Variants in TAOK1 observed in about 807,000 individuals in gnomAD.
TAOK1 encodes serine/threonine-protein kinase TAO1.
Under a neutral mutation model 138.3 loss-of-function variants are expected in TAOK1, and 21 were observed. The observed-to-expected ratio is 0.15, with a 90% CI of 0.11 to 0.22. TAOK1 has a LOEUF of 0.22. TAOK1 is among the 10% of genes least tolerant of loss of function. TAOK1 has a pLI of 1.00. For synonymous variants in TAOK1, 361 were observed against 398.4 expected (o/e 0.91, Z 1.12); for missense variants, 651 against 1,227.7 (o/e 0.53, Z 7.02).
chr17:29,501,201 A>G (rs2031516158), intron 12 of TAOK1, among the ~76,000 whole-genome samples: 1 of 149,384 alleles, frequency 6.7e-6, no homozygotes, highest in South Asian at 2.1e-4. Flanking sequence ...CCTGGGCAAC[A>G]TAGGGAGACC....
chr17:29,440,656 G>T (rs1403038280), intron 1 of TAOK1, among the ~76,000 whole-genome samples: 2 of 151,570 alleles, frequency 1.3e-5, no homozygotes, highest in Non-Finnish European at 2.9e-5. Flanking sequence ...GCTTACTGCA[G>T]CCTCTGCCTC....
At chr17:29,476,791 G>A (rs1432957943) in intron 4 of TAOK1, among the ~76,000 whole-genome samples, 7 of 151,872 alleles carry the variant, frequency 4.6e-5, no homozygotes, top group East Asian at 1.9e-4. Context: ...TAGTTGTTAC[G>A]TTATATTGGC....
At chr17:29,531,457 C>CT (rs1259908812) in intron 18 of TAOK1, among the ~76,000 whole-genome samples, 2 of 117,180 alleles carry the variant, frequency 1.7e-5, no homozygotes, top group African/African-American at 6.8e-5. Flanking sequence ...GCTTTGTAAA[C>CT]TTTTTTTTAA....
chr17:29,473,822 G>A (rs906190829), intron 3 of TAOK1, among the ~76,000 whole-genome samples: 1 of 151,758 alleles, frequency 6.6e-6, no homozygotes, highest in Admixed American at 6.6e-5. Flanking sequence ...CGCCTCCTGG[G>A]TTCAAACGAT....
At chr17:29,477,835 C>A in intron 5 of TAOK1, 129 bp downstream of exon 5, 1 of 447,054 alleles carries the variant, frequency 2.2e-6, no homozygotes, top group Non-Finnish European at 3.6e-6. Flanking sequence ...TAGTCTTGTT[C>A]AAATTCTCAG....
At chr17:29,528,237 A>G (rs2032045177) in intron 17 of TAOK1, among the ~76,000 whole-genome samples, 1 of 152,058 alleles carries the variant, frequency 6.6e-6, no homozygotes, top group Non-Finnish European at 1.5e-5. Flanking sequence ...TTTAGTAGAG[A>G]CAGAGTTTCA....
At chr17:29,449,471 G>T (rs1392525886) in intron 1 of TAOK1, among the ~76,000 whole-genome samples, 1 of 152,192 alleles carries the variant, frequency 6.6e-6, no homozygotes, top group East Asian at 1.9e-4. Context: ...TAGTTACAAA[G>T]AAGTTTTCTA....
chr17:29,452,599 G>T (rs559066288), intron 2 of TAOK1, among the ~76,000 whole-genome samples: 1 of 152,180 alleles, frequency 6.6e-6, no homozygotes, highest in South Asian at 2.1e-4. Context: ...TTCATCACCT[G>T]AAATAGAAAC....
intron 19 of TAOK1, among the ~76,000 whole-genome samples, chr17:29,540,108 G>C (rs1003053914): frequency 3.9e-5 from 6 of 152,160 alleles, no homozygotes; most frequent in Admixed American, 3.3e-4. Flanking sequence ...AGAAATGTTT[G>C]GGAGAAATTA....
intron 1 of TAOK1, among the ~76,000 whole-genome samples, chr17:29,411,177 C>T (rs1470242638): frequency 7.0e-6 from 1 of 143,760 alleles, no homozygotes. Context: ...CTGCAAGCTC[C>T]GCCTTCCGGG....
intron 2 of TAOK1, among the ~76,000 whole-genome samples, chr17:29,460,058 A>G (rs908349967): frequency 3.9e-5 from 6 of 152,360 alleles, no homozygotes; most frequent in East Asian, 1.9e-4. Context: ...ATGATCTACA[A>G]AGTGGTGAAA....
At chr17:29,428,770 C>T (rs913760316) in intron 1 of TAOK1, among the ~76,000 whole-genome samples, 13 of 149,276 alleles carry the variant, frequency 8.7e-5, no homozygotes, top group Admixed American at 2.7e-4. Flanking sequence ...ACTGCAGTTG[C>T]GCACCACAAC....
intron 10 of TAOK1, among the ~76,000 whole-genome samples, chr17:29,494,600 G>A (rs2031373640): frequency 6.6e-6 from 1 of 152,094 alleles, no homozygotes; most frequent in African/African-American, 2.4e-5. Context: ...GGCGAGGTGG[G>A]CGGATCACGA....
intron 1 of TAOK1, among the ~76,000 whole-genome samples, chr17:29,447,726 G>C (rs2030127395): frequency 2.0e-5 from 3 of 149,234 alleles, no homozygotes. Flanking sequence ...ACACGATCTT[G>C]GCTCAGGGCA....
At chr17:29,535,157 A>G (rs758078459) in intron 19 of TAOK1, among the ~76,000 whole-genome samples, 17 of 151,544 alleles carry the variant, frequency 1.1e-4, no homozygotes, top group Admixed American at 6.6e-4. Flanking sequence ...ACAAATATTT[A>G]AAAATTAGCT....
At chr17:29,400,405 A>G (rs1598464291) in intron 1 of TAOK1, among the ~76,000 whole-genome samples, 2 of 151,832 alleles carry the variant, frequency 1.3e-5, no homozygotes, top group East Asian at 1.9e-4. Flanking sequence ...AAAAAAAAAA[A>G]AAACAACAAA....
intron 17 of TAOK1, among the ~76,000 whole-genome samples, chr17:29,523,445 C>T (rs1298268256): frequency 2.6e-5 from 4 of 152,098 alleles, no homozygotes; most frequent in East Asian, 3.9e-4. Context: ...TGGAGTGCAG[C>T]GGCATGATCT....
At chr17:29,427,527 C>CAAAA (rs1255682171) in intron 1 of TAOK1, among the ~76,000 whole-genome samples, 2 of 64,182 alleles carry the variant, frequency 3.1e-5, no homozygotes. Flanking sequence ...AACTCCGTCT[C>CAAAA]AAAAAAAAAA....
rs1038965112 is a variant in TAOK1, at chr17:29,548,455, A to T, written c.*5433A>T. On this transcript the variant is annotated 3_prime_UTR_variant, in exon 20 of 20. Coordinates refer to ENST00000261716, the MANE Select transcript of TAOK1 (RefSeq NM_020791.4). ...GTGTGATTGTATTGTTTTGTTTCTAAATATACAAGGAATTCTTTAAATAGA... is the reference window on the plus strand; with the variant it reads ...GTGTGATTGTATTGTTTTGTTTCTATATATACAAGGAATTCTTTAAATAGA... The T allele has an allele frequency of 2.0e-5, 3 of 152,018 alleles. No individual in the cohort carries two copies. Among genetic ancestry groups the T allele is most frequent in the Admixed American group, 6.6e-5 (1 of 15,242 alleles). 9.4% of individuals were successfully genotyped at this position (152,018 alleles called of 1,614,324 possible).
Sources: gnomAD v4.1 joint callset for allele counts (sites outside exome capture counted in the v4.1 genomes callset) on GRCh38, gnomAD v4.1.1 for gene constraint, MANE v1.5 for transcripts, NCBI Gene and HGNC (gene_info 2026-07-23, HGNC 2026-07-21) for gene names.